ROBO2: variants seen among roughly 807,000 people sequenced by gnomAD.
ROBO2 encodes roundabout homolog 2.
A neutral mutation model predicts 160.8 loss-of-function variants in ROBO2; 53 were observed. That is an observed-to-expected ratio of 0.33 (90% confidence interval 0.26 to 0.41). The LOEUF (loss-of-function observed/expected upper bound fraction) is 0.41. Among genes scored for constraint, ROBO2 ranks in the 10% least tolerant of loss-of-function variants. The pLI is 1.00. For synonymous variants in ROBO2, 664 were observed against 611.7 expected, an observed-to-expected ratio of 1.09 and a Z score of -1.26; for missense variants, 1,577 against 1,722.4, an observed-to-expected ratio of 0.92 and a Z score of 1.49.
chr3:77,341,003 T>C (rs2066999368), intron 2 of ROBO2, among the ~76,000 whole-genome samples: 1 of 152,142 alleles, frequency 6.6e-6, no homozygotes, highest in Admixed American at 6.6e-5. Context: ...TTTTAATGGC[T>C]GACAAAAAAT....
intron 1 of ROBO2, among the ~76,000 whole-genome samples, chr3:77,050,647 G>C (rs146866841): frequency 6.9e-6 from 1 of 144,554 alleles, no homozygotes; most frequent in Non-Finnish European, 1.5e-5. Context: ...TAATGTGGTG[G>C]TCTCAAAACA....
At chr3:77,561,535 T>C (rs900975713) in intron 9 of ROBO2, among the ~76,000 whole-genome samples, 1 of 152,188 alleles carries the variant, frequency 6.6e-6, no homozygotes, top group Non-Finnish European at 1.5e-5. Context: ...AAAAGAGGAC[T>C]CTTGATTATA....
chr3:76,486,160 A>T (rs2079486246), intron 2 of ROBO2, among the ~76,000 whole-genome samples: 1 of 151,982 alleles, frequency 6.6e-6, no homozygotes, highest in African/African-American at 2.4e-5. Flanking sequence ...TGCTTGGTGA[A>T]CTCCAAAGTG....
At chr3:76,887,194 A>ATTTT (rs5850296) in intron 2 of ROBO2, among the ~76,000 whole-genome samples, 3 of 76,568 alleles carry the variant, frequency 3.9e-5, no homozygotes, top group African/African-American at 6.4e-5. Context: ...TTCAGGAAGC[A>ATTTT]TTTTTTTTTT....
chr3:77,492,644 A>G (rs1234078159), intron 4 of ROBO2, among the ~76,000 whole-genome samples: 1 of 152,174 alleles, frequency 6.6e-6, no homozygotes, highest in Non-Finnish European at 1.5e-5. Context: ...ACAATTAATA[A>G]TGACAGTCTT....
intron 2 of ROBO2, among the ~76,000 whole-genome samples, chr3:76,567,743 T>TTATA (rs574478628): frequency 0.31 from 32,576 of 105,696 alleles, 5,660 homozygotes; most frequent in East Asian, 0.48. Context: ...ATATACTGTT[T>TTATA]TATATATATA....
At chr3:75,920,909 T>G (rs1485183744) in intron 1 of ROBO2, among the ~76,000 whole-genome samples, 1 of 152,090 alleles carries the variant, frequency 6.6e-6, no homozygotes, top group Non-Finnish European at 1.5e-5. Context: ...CCCTTTATTT[T>G]GAGCCTATGT....
chr3:76,195,182 C>T (rs1559630010), intron 2 of ROBO2, among the ~76,000 whole-genome samples: 1 of 152,050 alleles, frequency 6.6e-6, no homozygotes, highest in Admixed American at 6.6e-5. Context: ...CTTGCAAACA[C>T]CTTGAGTATT....
intron 2 of ROBO2, among the ~76,000 whole-genome samples, chr3:76,741,807 C>T (rs1037449585): frequency 6.6e-6 from 1 of 151,944 alleles, no homozygotes; most frequent in East Asian, 1.9e-4. Flanking sequence ...TTTAGGAATT[C>T]TGGGCTAGAA....
At chr3:76,722,607 T>C (rs1308132672) in intron 2 of ROBO2, among the ~76,000 whole-genome samples, 2 of 152,148 alleles carry the variant, frequency 1.3e-5, no homozygotes, top group African/African-American at 2.4e-5. Flanking sequence ...CTACCCATTC[T>C]CTCTCCCTAC....
intron 2 of ROBO2, among the ~76,000 whole-genome samples, chr3:77,223,762 A>C (rs4684029): frequency 0.48 from 72,987 of 151,860 alleles, 17,758 homozygotes; most frequent in Middle Eastern, 0.64. Context: ...TTATATCAGA[A>C]AATAGTACAA....
chr3:77,048,760 T>C (rs2064938634), intron 1 of ROBO2, among the ~76,000 whole-genome samples: 1 of 152,206 alleles, frequency 6.6e-6, no homozygotes, highest in Admixed American at 6.5e-5. Flanking sequence ...ATTTGCACAA[T>C]GAGTAGTTAT....
intron 2 of ROBO2, among the ~76,000 whole-genome samples, chr3:77,214,027 G>T (rs1031130372): frequency 1.3e-5 from 2 of 152,208 alleles, no homozygotes; most frequent in Non-Finnish European, 2.9e-5. Context: ...AATAGGTGTG[G>T]TGTGGTGCTG....
At chr3:77,107,387 A>G (rs1484485544) in intron 2 of ROBO2, among the ~76,000 whole-genome samples, 1 of 152,126 alleles carries the variant, frequency 6.6e-6, no homozygotes. Context: ...TTAAATTAAC[A>G]CCCAAGTAGA....
chr3:76,275,847 G>A (rs1352049506), intron 2 of ROBO2, among the ~76,000 whole-genome samples: 1 of 152,002 alleles, frequency 6.6e-6, no homozygotes, highest in Non-Finnish European at 1.5e-5. Flanking sequence ...AGAAGTTTAT[G>A]TTATCCTGAA....
chr3:76,044,136 C>T (rs915018865), intron 2 of ROBO2, among the ~76,000 whole-genome samples: 1 of 152,036 alleles, frequency 6.6e-6, no homozygotes, highest in African/African-American at 2.4e-5. Flanking sequence ...CATTAAACTC[C>T]TCTGTAACCT....
intron 2 of ROBO2, among the ~76,000 whole-genome samples, chr3:76,415,231 G>A (rs549003024): frequency 5.8e-4 from 89 of 152,286 alleles, no homozygotes; most frequent in Non-Finnish European, 1.1e-3. Flanking sequence ...CATATTGACA[G>A]TTCTGAGGCA....
chr3:76,439,296 G>T (rs1369450618), intron 2 of ROBO2, among the ~76,000 whole-genome samples: 1 of 143,072 alleles, frequency 7.0e-6, no homozygotes, highest in Non-Finnish European at 1.5e-5. Flanking sequence ...TTCTGCTGAA[G>T]GTTACAAAGA....
At chr3:77,522,879 C>A (rs573245224) in exon 6 of ROBO2, 1 of 1,609,388 alleles carries the variant, frequency 6.2e-7, no homozygotes, top group South Asian at 1.1e-5. Context: ...AAAATGGAAG[C>A]CTCTGCTACA....
Sources: gnomAD v4.1 joint callset for allele counts (sites outside exome capture counted in the v4.1 genomes callset) on GRCh38, gnomAD v4.1.1 for gene constraint, MANE v1.5 for transcripts, NCBI Gene and HGNC (gene_info 2026-07-23, HGNC 2026-07-21) for gene names.